SPTBN5: variants seen among roughly 807,000 people sequenced by gnomAD.
SPTBN5 encodes the protein spectrin beta chain, non-erythrocytic 5.
Under a neutral mutation model 477.6 loss-of-function variants are expected in SPTBN5, and 513 were observed. That is an observed-to-expected ratio of 1.07 (90% CI 1.00 to 1.16). The LOEUF (loss-of-function observed/expected upper bound fraction) is 1.16, where lower values mean the gene tolerates loss of function less well. Among genes scored for constraint, SPTBN5 ranks in the 50% most tolerant of loss-of-function variants. The pLI is 0.00. For missense variants in SPTBN5, 5,062 were observed against 4,731.8 expected (o/e 1.07, Z -2.05); for synonymous variants, 2,169 against 2,011.7 (o/e 1.08, Z -2.09).
Position 41,883,390 on chromosome 15 carries a change from C to T in SPTBN5, c.1617G>A (p.Leu539=), listed in dbSNP as rs2067042554. The T allele has an allele frequency of 1.2e-6, 2 of 1,613,806 alleles. No individual in the cohort carries two copies. The highest frequency in any genetic ancestry group is 1.7e-6 in the Non-Finnish European group (2 of 1,179,872). ...GGTGGGAGGCAGCCTCCACCTCCTG[C>T]AGCAGGCTCAGCACAGCCTGCATGT... ...VADMQAVLSL[L]QEVEAASHQL... is the part of the protein sequence containing the mutation. The change falls in exon 8 of 68, where the codon CTG becomes CTA. Residue 539 remains leucine (L), a synonymous_variant. Transcript: ENST00000320955.
At chr15:41,851,211 C>T in intron 64 of SPTBN5, 61 bp from the exon 65 acceptor site, 2 of 1,577,874 alleles carry the variant, frequency 1.3e-6, no homozygotes, top group Non-Finnish European at 1.7e-6. Context: ...TGTGGGGTCC[C>T]TCTGTCCTGG....
Position 41,858,941 on chromosome 15 carries a change from A to G in SPTBN5, c.8028T>C (p.His2676=), listed in dbSNP as rs773355575. The G allele has an allele frequency of 4.4e-6, 7 of 1,594,356 alleles. No homozygotes were observed. In the East Asian group the frequency reaches 1.1e-4, roughly 26 times the overall value. Residue 2676 remains histidine (H), a synonymous_variant, in exon 48 of 68, where the codon CAT becomes CAC. Transcript: ENST00000320955. ...ALFRQAGTRR[H]RLEELRQLQA... ...GCAGCTGCCGGAGCTCCTCCAGGCG[A>G]TGGCGGCGGGTCCCGGCTTGCCTGA...
intron 49 of SPTBN5, among the ~76,000 whole-genome samples, 198 bp downstream of exon 49, chr15:41,858,404 G>A (rs2065989293): frequency 6.6e-6 from 1 of 152,170 alleles, no homozygotes. Context: ...TTTTGGAGAG[G>A]GTGCCCCCCC....
At chr15:41,868,626 A>C in intron 32 of SPTBN5, 25 bp from the exon 33 acceptor site, 1 of 1,591,864 alleles carries the variant, frequency 6.3e-7, no homozygotes, top group Non-Finnish European at 8.5e-7. Context: ...ACGGAGGGAG[A>C]GCCGGGTGAG....
chr15:41,864,106 G>A, intron 39 of SPTBN5, 82 bp from the exon 40 acceptor site: 1 of 1,268,192 alleles, frequency 7.9e-7, no homozygotes, highest in Non-Finnish European at 1.1e-6. Flanking sequence ...CTGAAAGCAT[G>A]CCTGGGCCCC....
At chr15:41,873,332 G>C (rs1485787156) in intron 26 of SPTBN5, among the ~76,000 whole-genome samples, 160 bp downstream of exon 26, 1 of 152,106 alleles carries the variant, frequency 6.6e-6, no homozygotes, top group Non-Finnish European at 1.5e-5. Flanking sequence ...TGGAAGAAGG[G>C]GCACTGTGGG....
chr15:41,868,356 G>T (rs773637429), intron 33 of SPTBN5, 42 bp downstream of exon 33: 85 of 1,577,642 alleles, frequency 5.4e-5, no homozygotes, highest in Non-Finnish European at 6.9e-6. Context: ...GCACAGGCTT[G>T]GTCAGCTAGG....
At chr15:41,865,172 A>AT (rs1364974035) in intron 39 of SPTBN5, among the ~76,000 whole-genome samples, 1 of 152,024 alleles carries the variant, frequency 6.6e-6, no homozygotes, top group Non-Finnish European at 1.5e-5. Flanking sequence ...TACATTTGCC[A>AT]TTTTTTTCCC....
chr15:41,865,818 T>C lies in SPTBN5; in HGVS notation c.6908A>G (p.Asn2303Ser), dbSNP rs1394321614. ...GCAAGGCCCTCTTACCCCGGCCGAG[T>C]TTCCTCGGAACTCGCGGAGCCGCCG... ...LRRRLREFRG[N>S]SAGDTVGDAC... Residue 2303 changes from asparagine to serine, a missense_variant, in exon 39 of 68, where the codon AAC (asparagine) becomes AGC (serine). Coordinates refer to ENST00000320955, the MANE Select transcript of SPTBN5 (RefSeq NM_016642.4). The C allele has an allele frequency of 5.1e-6, 8 of 1,561,894 alleles. No individual in the cohort carries two copies. Among genetic ancestry groups the C allele is most frequent in the African/African-American group, 1.4e-5 (1 of 73,558 alleles).
In SPTBN5 at chr15:41,869,953, A is replaced by T; in HGVS notation, c.5741T>A (p.Val1914Glu). 1 of 1,553,324 alleles carries T rather than the reference A, an allele frequency of 6.4e-7. No homozygotes were observed. Among genetic ancestry groups the T allele is most frequent in the Non-Finnish European group, 8.7e-7 (1 of 1,147,118 alleles). ...CGTCACAGCTTGCTGCCTCTGCTGC[A>T]CCGCATGGGCCTGAGGCCCCGGACA... ...KLCPGPQAHAVQQRQQAVTQA... is the reference protein window; with the variant it reads ...KLCPGPQAHAEQQRQQAVTQA... The change falls in exon 32 of 68, where the codon GTG (valine) becomes GAG (glutamate). Residue 1914 changes from valine (V) to glutamate (E), a missense_variant. Physicochemically the swap from Val to Glu is moderately radical, Grantham distance 121 (BLOSUM62 -2). Transcript: ENST00000320955.
intron 49 of SPTBN5, among the ~76,000 whole-genome samples, 157 bp downstream of exon 49, chr15:41,858,445 C>T (rs908476004): frequency 2.0e-5 from 3 of 152,242 alleles, no homozygotes; most frequent in Non-Finnish European, 2.9e-5. Flanking sequence ...CTTCTCACTA[C>T]ACTTCTGCCT....
chr15:41,861,966 C>T (rs1193421586), intron 44 of SPTBN5, 43 bp from the exon 45 acceptor site: 4 of 1,571,046 alleles, frequency 2.5e-6, no homozygotes, highest in Non-Finnish European at 1.7e-6. Context: ...CTGGAAGCAG[C>T]CCAGCAGGCA....
Position 41,852,203 on chromosome 15 carries a change from C to T in SPTBN5, c.10563G>A (p.Leu3521=), listed in dbSNP as rs948994637. 9 of 1,601,272 alleles carry T rather than the reference C, an allele frequency of 5.6e-6. No homozygotes were observed. Among genetic ancestry groups the T allele is most frequent in the Non-Finnish European group, 6.8e-6 (8 of 1,171,448 alleles). Residue 3521 remains leucine (L), a synonymous_variant, in exon 62 of 68, where the codon CTG becomes CTA. Coordinates refer to ENST00000320955, the MANE Select transcript of SPTBN5 (RefSeq NM_016642.4). ...PSGHQGLGAQ[L]AETRDPQDAK... ...CTGCCTGGGGGTCCCTCGTCTCAGC[C>T]AGCTGTGCTCCTAGCCCCTGGTGTC...
At chr15:41,892,818 A>C (rs2067352401) in intron 3 of SPTBN5, 76 bp downstream of exon 3, 2 of 1,481,760 alleles carry the variant, frequency 1.3e-6, no homozygotes, top group Admixed American at 4.5e-5. Context: ...CTGGCGCAGG[A>C]AAGGTGACCC....
intron 67 of SPTBN5, among the ~76,000 whole-genome samples, chr15:41,848,942 C>T (rs1293574214): frequency 1.3e-5 from 2 of 152,218 alleles, no homozygotes; most frequent in Non-Finnish European, 2.9e-5. Flanking sequence ...CAGGACAAGG[C>T]CTGTCCCGTC....
chr15:41,854,244 G>A (rs368422795), intron 56 of SPTBN5, 39 bp from the exon 57 acceptor site: 52 of 1,561,834 alleles, frequency 3.3e-5, no homozygotes, highest in Non-Finnish European at 4.2e-5. Flanking sequence ...GCTGTTCTCT[G>A]CTCCCAGGAT....
At chr15:41,887,843 G>A (rs1036246566) in intron 5 of SPTBN5, 85 bp downstream of exon 5, 189 of 1,367,954 alleles carry the variant, frequency 1.4e-4, no homozygotes, top group Non-Finnish European at 1.8e-4. Flanking sequence ...GCCTAGGGAT[G>A]TGGGAGAACG....
chr15:41,879,711 C>A, intron 15 of SPTBN5, 23 bp downstream of exon 15: 1 of 1,612,682 alleles, frequency 6.2e-7, no homozygotes, highest in Admixed American at 1.7e-5. Context: ...GCCTCACCAC[C>A]TGCACTCCTG....
chr15:41,852,773 G>GA (rs760719754), intron 60 of SPTBN5, 38 bp from the exon 61 acceptor site: 2 of 1,597,170 alleles, frequency 1.3e-6, no homozygotes, highest in East Asian at 2.2e-5. Flanking sequence ...CCAGCTTGGG[G>GA]GGGGGGGCCC....
Sources: gnomAD v4.1 joint callset for allele counts (sites outside exome capture counted in the v4.1 genomes callset) on GRCh38, gnomAD v4.1.1 for gene constraint, MANE v1.5 for transcripts, NCBI Gene and HGNC (gene_info 2026-07-23, HGNC 2026-07-21) for gene names.